The following ERBB4 variants were observed in gnomAD, a reference collection of about 807,000 sequenced individuals.
ERBB4 encodes the protein receptor tyrosine-protein kinase erbB-4.
A neutral mutation model predicts 158.0 loss-of-function variants in ERBB4; 42 were observed. That is an observed-to-expected ratio of 0.27 (90% CI 0.21 to 0.34). The LOEUF (loss-of-function observed/expected upper bound fraction) is 0.34, where lower values mean the gene tolerates loss of function less well. Ranked by LOEUF, ERBB4 falls within the 10% of genes least tolerant of loss-of-function variation. The pLI is 1.00. For missense variants in ERBB4, 1,333 were observed against 1,624.1 expected (o/e 0.82, Z 3.08); for synonymous variants, 583 against 558.7 (o/e 1.04, Z -0.61).
chr2:211,894,841 G>A (rs931900478), intron 3 of ERBB4, among the ~76,000 whole-genome samples: 7 of 152,106 alleles, frequency 4.6e-5, no homozygotes, highest in African/African-American at 7.2e-5. Flanking sequence ...ACAGGGTAAC[G>A]ATCTAAGATG....
Position 211,494,246 on chromosome 2 carries a change from G to C in ERBB4, c.2488-63146C>G, listed in dbSNP as rs1010656064. Among the ~76,000 whole-genome samples the C allele has an allele frequency of 1.3e-5, 2 of 151,960 alleles. 1 individual carries two copies. Among genetic ancestry groups the C allele is most frequent in the African/African-American group, 4.8e-5 (2 of 41,388 alleles). On this transcript the variant is annotated intron_variant, in intron 20 of 27. Coordinates refer to ENST00000342788, the MANE Select transcript of ERBB4 (RefSeq NM_005235.3). ...TCAAACTCCTGACCTCAGGTGATCCGCCTGCCTCGGCCTCCGAAAGTGCTG... is the reference window on the plus strand; with the variant it reads ...TCAAACTCCTGACCTCAGGTGATCCCCCTGCCTCGGCCTCCGAAAGTGCTG...
At chr2:211,416,850 A>C (rs1574449550) in intron 25 of ERBB4, among the ~76,000 whole-genome samples, 27 of 131,976 alleles carry the variant, frequency 2.0e-4, no homozygotes, top group African/African-American at 3.1e-4. Flanking sequence ...CAGCTTTCCC[A>C]CTCCTCTGCG....
chr2:212,232,512 G>A (rs1302241176), intron 1 of ERBB4, among the ~76,000 whole-genome samples: 2 of 152,102 alleles, frequency 1.3e-5, no homozygotes, highest in African/African-American at 2.4e-5. Flanking sequence ...GTGTTCAAGC[G>A]ATTTTCCTGC....
In ERBB4 at chr2:211,673,190, C is replaced by T. The variant is rs2105938870; in HGVS notation, c.1690G>A (p.Asp564Asn). The change falls in exon 14 of 28, where the codon GAT becomes AAT. Residue 564 changes from aspartate to asparagine, a missense_variant. This residue lies in a region of ERBB4 where 245 missense variants were observed against 247.5 expected (regional missense o/e 0.99). Coordinates refer to ENST00000342788, the MANE Select transcript of ERBB4 (RefSeq NM_005235.3). ...GGTCCATGGCATGTGAGGAGGCCAT[C>T]TTCCATCTTCTCACACTGGGGGTCA... ...ECDPQCEKME[D>N]GLLTCHGPGP... The T allele has an allele frequency of 2.5e-6, 4 of 1,613,598 alleles. No homozygotes were observed. The highest frequency in any genetic ancestry group is 2.5e-6 in the Non-Finnish European group (3 of 1,179,584).
At chr2:211,720,059 A>G (rs1358781962) in intron 7 of ERBB4, among the ~76,000 whole-genome samples, 1 of 152,144 alleles carries the variant, frequency 6.6e-6, no homozygotes, top group Admixed American at 6.5e-5. Flanking sequence ...CTTGCATTCA[A>G]CATCCAGTCC....
intron 1 of ERBB4, among the ~76,000 whole-genome samples, chr2:212,379,283 A>G (rs983641808): frequency 6.6e-6 from 1 of 151,786 alleles, no homozygotes; most frequent in Admixed American, 6.6e-5. Context: ...ATGTTTAAAC[A>G]AGATTTTCCA....
chr2:211,953,679 A>T (rs1187496774), intron 2 of ERBB4, among the ~76,000 whole-genome samples: 1 of 151,994 alleles, frequency 6.6e-6, no homozygotes, highest in Non-Finnish European at 1.5e-5. Context: ...GTAGGTTTCT[A>T]CAGTTGCTTT....
rs527692153 is a variant in ERBB4 at position 212,365,768 on chromosome 2, T to C, written c.82+172681A>G. ...CATCTACAAATCATGATAATGTTTT[T>C]AAGCTAACTAGCACACAAAGAACTA... is the stretch of plus-strand genomic sequence containing the variant. On this transcript the variant is annotated intron_variant, in intron 1 of 27. Coordinates refer to ENST00000342788, the MANE Select transcript of ERBB4 (RefSeq NM_005235.3). Among the ~76,000 whole-genome samples the C allele has an allele frequency of 2.6e-5, 4 of 151,986 alleles. No individual in the cohort carries two copies. In the South Asian group the frequency reaches 8.3e-4, roughly 31 times the overall value.
intron 20 of ERBB4, among the ~76,000 whole-genome samples, chr2:211,539,032 C>T (rs564933856): frequency 7.2e-5 from 11 of 151,932 alleles, no homozygotes; most frequent in Admixed American, 2.0e-4. Flanking sequence ...ACTCCAGATA[C>T]ATGAAACTTG....
chr2:211,953,034 C>A (rs539641573), intron 2 of ERBB4, among the ~76,000 whole-genome samples: 1 of 151,920 alleles, frequency 6.6e-6, no homozygotes, highest in Admixed American at 6.6e-5. Flanking sequence ...TATTATGGCC[C>A]TAAATATAGA....
At chr2:211,475,555 A>G (rs2064933305) in intron 20 of ERBB4, among the ~76,000 whole-genome samples, 3 of 152,108 alleles carry the variant, frequency 2.0e-5, no homozygotes, top group Admixed American at 2.0e-4. Flanking sequence ...ATAAATATGG[A>G]AGCAAATTGA....
At chr2:212,239,502 G>A (rs1949654) in intron 1 of ERBB4, among the ~76,000 whole-genome samples, 75,274 of 152,004 alleles carry the variant, frequency 0.5, 19,517 homozygotes, top group East Asian at 0.74. Flanking sequence ...TACCTCAGTC[G>A]TGTTCCTAAA....
At chr2:211,770,950 T>C (rs2075676687) in intron 4 of ERBB4, among the ~76,000 whole-genome samples, 1 of 152,168 alleles carries the variant, frequency 6.6e-6, no homozygotes, top group Non-Finnish European at 1.5e-5. Context: ...GACTCGTGTA[T>C]TTGGTAGTTG....
At chr2:211,803,836 C>A (rs2076553707) in intron 3 of ERBB4, among the ~76,000 whole-genome samples, 1 of 152,270 alleles carries the variant, frequency 6.6e-6, no homozygotes, top group African/African-American at 2.4e-5. Flanking sequence ...CTAGTCTTCA[C>A]AGCTCCTCTA....
intron 1 of ERBB4, among the ~76,000 whole-genome samples, chr2:212,469,330 C>A (rs1195653819): frequency 6.6e-6 from 1 of 152,122 alleles, no homozygotes; most frequent in African/African-American, 2.4e-5. Context: ...TTGAATGTCT[C>A]TTTCAAAAAC....
At chr2:212,227,997 C>A (rs748048681) in intron 1 of ERBB4, among the ~76,000 whole-genome samples, 8 of 152,062 alleles carry the variant, frequency 5.3e-5, no homozygotes, top group African/African-American at 1.9e-4. Flanking sequence ...AAGGGCATGT[C>A]GCAATGTTCA....
chr2:211,514,137 T>C lies in ERBB4; in HGVS notation c.2487+47766A>G, dbSNP rs190934701. ...TCTCTCTTCATACCCCCTTACCCTC[T>C]ACTCTTCCCTTTCTCTGGTAACTAA... On this transcript the variant is annotated intron_variant, in intron 20 of 27. Coordinates refer to ENST00000342788, the MANE Select transcript of ERBB4 (RefSeq NM_005235.3). Among the ~76,000 whole-genome samples, 15 of 152,290 alleles carry C rather than the reference T, an allele frequency of 9.8e-5. No individual in the cohort carries two copies. The East Asian group carries it at 2.9e-3, about 29-fold the overall frequency.
chr2:212,519,684 G>T (rs1484158584), intron 1 of ERBB4, among the ~76,000 whole-genome samples: 1 of 151,832 alleles, frequency 6.6e-6, no homozygotes, highest in African/African-American at 2.4e-5. Context: ...AATAACTTAG[G>T]CACAGAAAGG....
intron 2 of ERBB4, among the ~76,000 whole-genome samples, chr2:212,065,217 G>T (rs1438586170): frequency 6.6e-6 from 1 of 151,948 alleles, no homozygotes; most frequent in African/African-American, 2.4e-5. Context: ...ACCCCTTCCT[G>T]GAAGTTAGTT....
Sources: gnomAD v4.1 joint callset for allele counts (sites outside exome capture counted in the v4.1 genomes callset) on GRCh38, gnomAD v4.1.1 for gene constraint, gnomAD v4.1.1 regional missense constraint, MANE v1.5 for transcripts, NCBI Gene and HGNC (gene_info 2026-07-23, HGNC 2026-07-21) for gene names.